TSC2: variants seen among roughly 807,000 people sequenced by gnomAD.
TSC2 encodes the protein tuberin.
A neutral mutation model predicts 202.2 loss-of-function variants in TSC2; 29 were observed. That is an observed-to-expected ratio of 0.14 (90% CI 0.11 to 0.20). The LOEUF (loss-of-function observed/expected upper bound fraction) is 0.20. Among genes scored for constraint, TSC2 ranks in the 10% least tolerant of loss-of-function variants. The pLI is 1.00. For missense variants in TSC2, 2,429 were observed against 2,420.0 expected, an observed-to-expected ratio of 1.00 and a Z score of -0.08; for synonymous variants, 1,349 against 1,044.0, an observed-to-expected ratio of 1.29 and a Z score of -5.63.
At chr16:2,081,200 G>A (rs2090100199) in intron 30 of TSC2, 1 of 349,060 alleles carries the variant, frequency 2.9e-6, no homozygotes, top group African/African-American at 2.2e-5. Context: ...TGTTCCCAGG[G>A]GCAGAGGGAG....
Position 2,088,211 on chromosome 16 carries a change from C to T in TSC2, c.5161-16C>T, listed in dbSNP as rs2151626858. 1 of 1,613,096 alleles carries T rather than the reference C, an allele frequency of 6.2e-7. No homozygotes were observed. Among genetic ancestry groups the T allele is most frequent in the Non-Finnish European group, 8.5e-7 (1 of 1,179,962 alleles). On this transcript the variant is annotated splice_polypyrimidine_tract_variant and intron_variant, in intron 40 of 41. Coordinates refer to ENST00000219476, the MANE Select transcript of TSC2 (RefSeq NM_000548.5). ...TGCCACCTGATAGTGAGCTCACCCC[C>T]TGCCTACGTCCCCAGATGGCCTCAC...
rs562317274 is a variant in TSC2, at chr16:2,082,631, G to A, written c.3883+127G>A. 2.0e-4 allele frequency: 211 copies of A among 1,047,546 alleles called. 1 individual carries two copies. The African/African-American group carries it at 2.6e-3, about 13-fold the overall frequency. The allele number at this position is 1,047,546 out of a possible 1,614,324, so 64.9% of individuals were successfully genotyped here. On this transcript the variant is annotated intron_variant, in intron 32 of 41. Transcript: ENST00000219476. ...TCCATTGCCCTGGGGAGCAGGTCCCGACTCGCATGAGGACGTCTGTGCAGA... is the reference window on the plus strand; with the variant it reads ...TCCATTGCCCTGGGGAGCAGGTCCCAACTCGCATGAGGACGTCTGTGCAGA...
At chr16:2,085,626 G>T (rs2090677694) in intron 36 of TSC2, among the ~76,000 whole-genome samples, 1 of 152,184 alleles carries the variant, frequency 6.6e-6, no homozygotes, top group South Asian at 2.1e-4. Context: ...AGTGGTGAGG[G>T]AGCGGGCAGG....
At chr16:2,074,514 A>G in intron 22 of TSC2, 125 bp downstream of exon 22, 1 of 1,254,114 alleles carries the variant, frequency 8.0e-7, no homozygotes, top group Non-Finnish European at 1.1e-6. Flanking sequence ...CTGCTGCCTC[A>G]GGGCCTGGGC....
rs757991038 is a variant in TSC2 at position 2,088,621 on chromosome 16, C to T, written c.*11C>T. 31 of 1,598,642 alleles carry T rather than the reference C, an allele frequency of 1.9e-5. No individual in the cohort carries two copies. Among genetic ancestry groups the T allele is most frequent in the Non-Finnish European group, 2.6e-5 (31 of 1,178,770 alleles). On this transcript the variant is annotated 3_prime_UTR_variant, in exon 42 of 42. Transcript: ENST00000219476. ...ACCGAGTTTGTGTGAGGCCGGGGCC[C>T]TCCCTCCTGCACTGGCCTTGGACGG... is the stretch of plus-strand genomic sequence containing the variant.
rs767595896 is a variant in TSC2 at position 2,085,353 on chromosome 16, G to T, written c.4662+31G>T. The stretch of plus-strand genomic sequence containing the variant: ...GCTGCGGGGCCGGCCTAGGTGCCTG[G>T]ACAGGGCCAGCTGGGCCTCAGCCTG... On this transcript the variant is annotated intron_variant, in intron 36 of 41. Transcript: ENST00000219476. 12 of 1,610,512 alleles carry T rather than the reference G, an allele frequency of 7.5e-6. No homozygotes were observed. In the East Asian group the frequency reaches 2.5e-4, roughly 33 times the overall value.
chr16:2,083,225 C>G (rs1477416993), intron 32 of TSC2: 1 of 460,044 alleles, frequency 2.2e-6, no homozygotes, highest in East Asian at 6.9e-5. Context: ...CTTAGCGTCC[C>G]CAGCTGTGGG....
rs773016098 is a variant in TSC2, at chr16:2,060,654, C to T, written c.976-16C>T. 1.9e-5 allele frequency: 30 copies of T among 1,613,816 alleles called. No homozygotes were observed. Among genetic ancestry groups the T allele is most frequent in the Middle Eastern group, 1.6e-4 (1 of 6,082 alleles). ...AGCAGCTCTGACCCTGTGTGCTGGC[C>T]GGGCTCGTGTTCCAGGCCATGGCAT... On this transcript the variant is annotated splice_polypyrimidine_tract_variant and intron_variant, in intron 10 of 41. Transcript: ENST00000219476.
chr16:2,067,486 A>G (rs2087553249), intron 16 of TSC2, among the ~76,000 whole-genome samples: 2 of 151,086 alleles, frequency 1.3e-5, no homozygotes, highest in Admixed American at 6.6e-5. Context: ...AAAACCAGGC[A>G]TCAGCCGGGT....
intron 1 of TSC2, 182 bp from the exon 2 acceptor site, chr16:2,048,405 G>A: frequency 2.3e-6 from 2 of 879,100 alleles, no homozygotes; most frequent in Non-Finnish European, 3.7e-6. Flanking sequence ...GGTGTCTCCC[G>A]GGCTTTCCTA....
intron 10 of TSC2, among the ~76,000 whole-genome samples, chr16:2,060,455 G>A (rs1308089511): frequency 6.6e-6 from 1 of 152,222 alleles, no homozygotes; most frequent in Admixed American, 6.5e-5. Flanking sequence ...TTTGCAGGCA[G>A]GCATGGGGGT....
chr16:2,064,536 C>T (rs902623536), intron 15 of TSC2, 109 bp downstream of exon 15: 88 of 1,540,270 alleles, frequency 5.7e-5, no homozygotes, highest in Admixed American at 2.0e-4. Flanking sequence ...TGGCTGTGTC[C>T]GTAGGTGAGG....
At chr16:2,050,539 C>CT (rs1337159749) in intron 3 of TSC2, 53 bp downstream of exon 3, 3 of 1,538,434 alleles carry the variant, frequency 2.0e-6, no homozygotes, top group Non-Finnish European at 2.7e-6. Context: ...TATTCAGAGC[C>CT]TGAGTTTGCT....
chr16:2,052,698 G>T (rs2085281447), intron 3 of TSC2, among the ~76,000 whole-genome samples: 1 of 152,206 alleles, frequency 6.6e-6, no homozygotes, highest in Non-Finnish European at 1.5e-5. Context: ...GGTTAATGTG[G>T]AGAAGGGAAG....
chr16:2,055,578 A>T, intron 6 of TSC2, 59 bp downstream of exon 6: 1 of 1,523,106 alleles, frequency 6.6e-7, no homozygotes, highest in Non-Finnish European at 9.1e-7. Flanking sequence ...TCCGCAGTGA[A>T]TAAAGTTGAA....
Position 2,080,333 on chromosome 16 carries a change from T to A in TSC2, c.3566T>A (p.Leu1189Gln), listed in dbSNP as rs2151461411. ...ACGAACCTGGCGGCCTATGTGCCCC[T>A]GCTGACCCAGGGCTGGGCGGAGATC... is the stretch of plus-strand genomic sequence containing the variant. Reference protein sequence around the residue: ...EKTNLAAYVPLLTQGWAEILV... With the variant: ...EKTNLAAYVPQLTQGWAEILV... The change falls in exon 30 of 42, where the codon CTG becomes CAG. Residue 1189 changes from leucine to glutamine, a missense_variant. Transcript: ENST00000219476. The A allele has an allele frequency of 6.2e-7, 1 of 1,612,644 alleles. No homozygotes were observed. The highest frequency in any genetic ancestry group is 1.1e-5 in the South Asian group (1 of 91,064).
At chr16:2,065,348 G>A in intron 15 of TSC2, 171 bp from the exon 16 acceptor site, 1 of 664,356 alleles carries the variant, frequency 1.5e-6, no homozygotes, top group Admixed American at 2.2e-5. Flanking sequence ...GGGAGGCGGA[G>A]CTTGTAGTGA....
chr16:2,048,057 CGGCGCGGGGTAAGT>C lies in TSC2; in HGVS notation c.-33_-30+10del. 7.0e-7 allele frequency: 1 copy of C among 1,424,312 alleles called. No homozygotes were observed. The highest frequency in any genetic ancestry group is 2.9e-5 in the Admixed American group (1 of 33,978). 88.2% of individuals were successfully genotyped at this position (1,424,312 alleles called of 1,614,324 possible). ...CGGGGCGGCCCGGAGCGCGGTGGCG[CGGCGCGGGGTAAGT>C]GGCGGTCCCCACGGGGCAAGTGGCG... On this transcript the variant is annotated splice_donor_variant and splice_donor_5th_base_variant and 5_prime_UTR_variant and intron_variant, in exon 1 of 42. Coordinates refer to ENST00000219476, the MANE Select transcript of TSC2 (RefSeq NM_000548.5). LOFTEE classifies it low-confidence loss of function (5UTR_SPLICE).
intron 11 of TSC2, 177 bp from the exon 12 acceptor site, chr16:2,061,694 T>C: frequency 7.6e-6 from 8 of 1,051,934 alleles, no homozygotes; most frequent in Non-Finnish European, 9.9e-6. Context: ...TGGGGGTGTC[T>C]CAACCCATGA....
Sources: allele counts gnomAD v4.1 joint callset (sites outside exome capture counted in the v4.1 genomes callset), GRCh38; gene constraint gnomAD v4.1.1; transcripts MANE v1.5; gene names NCBI Gene and HGNC (gene_info 2026-07-23, HGNC 2026-07-21).